The following LRTM1 variants were observed in gnomAD, a reference collection of about 807,000 sequenced individuals.
LRTM1 encodes leucine-rich repeat and transmembrane domain-containing protein 1.
A neutral mutation model predicts 32.4 loss-of-function variants in LRTM1; 38 were observed. That is an observed-to-expected ratio of 1.17 (90% CI 0.91 to 1.54). LRTM1 has a LOEUF of 1.54. LRTM1 is among the 40% of genes most tolerant of loss of function. The probability of loss-of-function intolerance (pLI) is 0.00; values close to 1 mark genes in which losing one functional copy is unlikely to be tolerated. For missense variants in LRTM1, 466 were observed against 415.4 expected, an observed-to-expected ratio of 1.12 and a Z score of -1.06; for synonymous variants, 186 against 169.9, an observed-to-expected ratio of 1.09 and a Z score of -0.74.
intron 1 of LRTM1, among the ~76,000 whole-genome samples, chr3:54,949,800 AC>A (rs74870501): frequency 0.46 from 69,600 of 151,966 alleles, 16,698 homozygotes; most frequent in East Asian, 0.75. Context: ...TGGATGGAAG[AC>A]TTTTTTTGCC....
intron 1 of LRTM1, among the ~76,000 whole-genome samples, chr3:54,951,428 A>C (rs1701753964): frequency 6.6e-6 from 1 of 152,196 alleles, no homozygotes; most frequent in Admixed American, 6.5e-5. Flanking sequence ...CATCGACACC[A>C]TTAGGGACAT....
chr3:54,940,430 G>T (rs901657174), intron 1 of LRTM1, among the ~76,000 whole-genome samples: 10 of 152,122 alleles, frequency 6.6e-5, no homozygotes, highest in African/African-American at 2.2e-4. Flanking sequence ...AAATTAAACT[G>T]TTCCTCACTG....
intron 1 of LRTM1, among the ~76,000 whole-genome samples, chr3:54,935,140 G>A (rs1701298187): frequency 6.6e-6 from 1 of 152,196 alleles, no homozygotes; most frequent in Non-Finnish European, 1.5e-5. Context: ...CCCTGACACT[G>A]TCTAACTCTC....
chr3:54,924,191 G>A lies in LRTM1; in HGVS notation c.604+428C>T, dbSNP rs137930452. ...AGGACAATTTTAGAAAAGAATTACA[G>A]TTGTCAAATGGGTAGAAGCAGACAA... On this transcript the variant is annotated intron_variant, in intron 2 of 2. Coordinates refer to ENST00000273286, the MANE Select transcript of LRTM1 (RefSeq NM_020678.4). 2.8e-3 allele frequency among the ~76,000 whole-genome samples: 427 copies of A among 152,316 alleles called. 2 individuals are homozygous for A. The highest frequency in any genetic ancestry group is 9.9e-3 in the African/African-American group (411 of 41,582).
intron 1 of LRTM1, among the ~76,000 whole-genome samples, chr3:54,937,259 G>T (rs896722482): frequency 6.6e-6 from 1 of 152,170 alleles, no homozygotes; most frequent in Non-Finnish European, 1.5e-5. Flanking sequence ...AATGTCATAG[G>T]CATCAAAATA....
At chr3:54,940,674 G>GAAAC (rs137946536) in intron 1 of LRTM1, among the ~76,000 whole-genome samples, 3,457 of 152,286 alleles carry the variant, frequency 0.023, 131 homozygotes, top group African/African-American at 0.076. Flanking sequence ...GGACCAAAAA[G>GAAAC]AAGCAAACAA....
At chr3:54,942,326 G>A (rs972603600) in intron 1 of LRTM1, among the ~76,000 whole-genome samples, 1 of 152,184 alleles carries the variant, frequency 6.6e-6, no homozygotes, top group African/African-American at 2.4e-5. Context: ...AAGAAGTAGG[G>A]GCTGACCTCT....
rs769756063 is a variant in LRTM1, at chr3:54,924,641, C to A, written c.582G>T (p.Trp194Cys). 8 of 1,613,884 alleles carry A rather than the reference C, an allele frequency of 5.0e-6. No homozygotes were observed. The highest frequency in any genetic ancestry group is 5.9e-6 in the Non-Finnish European group (7 of 1,179,848). Residue 194 changes from tryptophan (W) to cysteine (C), a missense_variant, in exon 2 of 3, where the codon TGG becomes TGT. Physicochemically the swap from Trp to Cys is radical, Grantham distance 215 (BLOSUM62 -2). Transcript: ENST00000273286. Reference sequence around the variant, plus strand: ...GACCTTTATAGACAAATTTCTCCAGCCAGAGTTTAAGACCGAGCAAGTGGC... The same window carrying A: ...GACCTTTATAGACAAATTTCTCCAGACAGAGTTTAAGACCGAGCAAGTGGC... ...CNCHLLGLKL[W>C]LEKFVYKGGL...
At position 54,918,485 on chromosome 3, in the gene LRTM1, CT is replaced by C. The variant is rs773960758; in HGVS notation, c.1011del (p.Glu338SerfsTer15). 1 of 1,612,624 alleles carries C rather than the reference CT, an allele frequency of 6.2e-7. No individual in the cohort carries two copies. The highest frequency in any genetic ancestry group is 1.7e-4 in the Middle Eastern group (1 of 6,058). The stretch of plus-strand genomic sequence containing the variant: ...CAGGCTGGTGAGCTGTCAAATCGCT[CT>C]TTTTCTTCCACCTTCCCAGGATCAT... Reference protein sequence around the residue: ...QTNDPGKVEEKERFDSSPA With the variant: ...QTNDPGKVEEXERFDSSPA On this transcript the variant is annotated frameshift_variant, in exon 3 of 3. Coordinates refer to ENST00000273286, the MANE Select transcript of LRTM1 (RefSeq NM_020678.4). LOFTEE classifies it high-confidence loss of function.
chr3:54,960,684 G>C (rs1006425416), intron 1 of LRTM1, among the ~76,000 whole-genome samples: 2 of 152,298 alleles, frequency 1.3e-5, no homozygotes, highest in East Asian at 3.9e-4. Flanking sequence ...GAGTGCAGCT[G>C]CCTTCCCTTC....
At chr3:54,926,501 C>A (rs1701021969) in intron 1 of LRTM1, among the ~76,000 whole-genome samples, 1 of 102,200 alleles carries the variant, frequency 9.8e-6, no homozygotes, top group East Asian at 3.1e-4. Flanking sequence ...CACTGCCTGT[C>A]AAATACACAC....
At chr3:54,929,317 G>A (rs1465318543), upstream of LRTM1, among the ~76,000 whole-genome samples, 1 of 152,122 alleles carries the variant, frequency 6.6e-6, no homozygotes, top group Non-Finnish European at 1.5e-5. Context: ...GCATGAGAAA[G>A]GCTTTCAGGA....
At chr3:54,931,754 A>T (rs1030443193), upstream of LRTM1, among the ~76,000 whole-genome samples, 7 of 152,320 alleles carry the variant, frequency 4.6e-5, no homozygotes, top group African/African-American at 1.4e-4. Flanking sequence ...ATGTTTTCTA[A>T]TATGTTAGTC....
chr3:54,956,376 G>A (rs971652665), intron 1 of LRTM1, among the ~76,000 whole-genome samples: 2 of 152,202 alleles, frequency 1.3e-5, no homozygotes, highest in Admixed American at 6.5e-5. Flanking sequence ...CCACCAAGGG[G>A]ACAATTTTGC....
chr3:54,964,507 A>T (rs1372145043), intron 1 of LRTM1, among the ~76,000 whole-genome samples: 1 of 152,196 alleles, frequency 6.6e-6, no homozygotes, highest in Admixed American at 6.5e-5. Flanking sequence ...ACTTAAATCA[A>T]TATACTGTTA....
intron 1 of LRTM1, among the ~76,000 whole-genome samples, chr3:54,964,962 C>A (rs992269516): frequency 1.3e-5 from 2 of 152,098 alleles, no homozygotes; most frequent in Non-Finnish European, 2.9e-5. Context: ...ACTTCCTCTG[C>A]GAGCTTTCAG....
chr3:54,921,834 T>C (rs201351782), intron 2 of LRTM1, among the ~76,000 whole-genome samples: 2 of 152,214 alleles, frequency 1.3e-5, no homozygotes, highest in Non-Finnish European at 2.9e-5. Flanking sequence ...TTATTGCATA[T>C]ATAACTAAAG....
intron 1 of LRTM1, among the ~76,000 whole-genome samples, chr3:54,964,886 A>G (rs1702111454): frequency 6.6e-6 from 1 of 151,826 alleles, no homozygotes; most frequent in South Asian, 2.1e-4. Context: ...AATGAGCTCA[A>G]TCCCGTTACT....
intron 2 of LRTM1, among the ~76,000 whole-genome samples, chr3:54,921,933 G>A (rs1461690548): frequency 6.7e-6 from 1 of 148,800 alleles, no homozygotes; most frequent in Non-Finnish European, 1.5e-5. Context: ...AGAAGATCTT[G>A]ACTCATATCT....
Sources: gnomAD v4.1 joint callset for allele counts (sites outside exome capture counted in the v4.1 genomes callset) on GRCh38, gnomAD v4.1.1 for gene constraint, MANE v1.5 for transcripts, NCBI Gene and HGNC (gene_info 2026-07-23, HGNC 2026-07-21) for gene names.